The following FGF14 variants were observed in gnomAD, a reference collection of about 807,000 sequenced individuals.
FGF14 encodes fibroblast growth factor 14, also known as fibroblast growth factor homologous factor 4.
Under a neutral mutation model 25.5 loss-of-function variants are expected in FGF14, and 5 were observed. The ratio of observed to expected loss-of-function variants is 0.20; its 90% CI spans 0.10 to 0.41. The LOEUF is 0.41. Ranked by LOEUF, FGF14 falls within the 10% of genes least tolerant of loss-of-function variation. The probability of loss-of-function intolerance (pLI) is 1.00; values close to 1 mark genes in which losing one functional copy is unlikely to be tolerated. For missense variants in FGF14, 222 were observed against 320.1 expected, an observed-to-expected ratio of 0.69 and a Z score of 2.34; for synonymous variants, 138 against 118.3, an observed-to-expected ratio of 1.17 and a Z score of -1.08.
intron 1 of FGF14, among the ~76,000 whole-genome samples, chr13:102,011,914 T>A (rs2040101283): frequency 6.6e-6 from 1 of 152,200 alleles, no homozygotes; most frequent in Non-Finnish European, 1.5e-5. Flanking sequence ...AAGCAAATCA[T>A]CCATCTTCAG....
intron 3 of FGF14, among the ~76,000 whole-genome samples, chr13:101,798,233 A>C (rs552211464): frequency 9.2e-5 from 14 of 152,256 alleles, no homozygotes; most frequent in African/African-American, 3.1e-4. Context: ...TAAGCATAAA[A>C]ACAAAACATA....
At chr13:102,113,533 C>A (rs1201690489) in intron 1 of FGF14, among the ~76,000 whole-genome samples, 10 of 152,176 alleles carry the variant, frequency 6.6e-5, no homozygotes, top group African/African-American at 2.4e-4. Context: ...GTCAATATAT[C>A]TATATTCTAC....
At chr13:102,253,257 A>C (rs2052278192) in intron 1 of FGF14, among the ~76,000 whole-genome samples, 1 of 152,140 alleles carries the variant, frequency 6.6e-6, no homozygotes, top group African/African-American at 2.4e-5. Context: ...TGACTTCCAC[A>C]ATGGTTGAAC....
intron 3 of FGF14, among the ~76,000 whole-genome samples, chr13:101,800,480 C>G (rs1182750857): frequency 1.1e-4 from 17 of 152,084 alleles, no homozygotes; most frequent in Admixed American, 7.9e-4. Flanking sequence ...AGGGACTTAT[C>G]CATTTGCTGT....
rs202069283 is a variant in FGF14, at chr13:102,094,072, AAGGAG to A, written c.209-218781_209-218777del. Among the ~76,000 whole-genome samples, 567 of 129,750 alleles carry A rather than the reference AAGGAG, an allele frequency of 4.4e-3. 5 individuals are homozygous for A. Among genetic ancestry groups the A allele is most frequent in the African/African-American group, 0.016 (528 of 33,718 alleles). 85.1% of individuals were successfully genotyped at this position (129,750 alleles called of 152,430 possible). A position where few individuals can be genotyped will look rare whatever the true frequency, so the allele number is the denominator to read the frequency against. ...GTGAAGGATCTAAAGCTAAAAAAGG[AAGGAG>A]AGGAGAGGAGAGAAGACTCATGAAG... is the stretch of plus-strand genomic sequence containing the variant. On this transcript the variant is annotated intron_variant, in intron 1 of 4. Coordinates refer to the FGF14 transcript ENST00000376131.
At chr13:102,107,616 T>C (rs2044988009) in intron 1 of FGF14, among the ~76,000 whole-genome samples, 1 of 152,212 alleles carries the variant, frequency 6.6e-6, no homozygotes, top group Non-Finnish European at 1.5e-5. Flanking sequence ...CATGATGGAA[T>C]GCATAAAGAG....
chr13:101,891,678 C>CTA (rs1001440988), intron 1 of FGF14, among the ~76,000 whole-genome samples: 11 of 151,840 alleles, frequency 7.2e-5, no homozygotes, highest in Admixed American at 3.9e-4. Flanking sequence ...ATATGTATTT[C>CTA]TATATATATA....
At chr13:102,230,134 G>A (rs547505863) in intron 1 of FGF14, among the ~76,000 whole-genome samples, 1 of 152,186 alleles carries the variant, frequency 6.6e-6, no homozygotes, top group African/African-American at 2.4e-5. Context: ...GAAGGTCCGA[G>A]GGAGCTTGTT....
At chr13:102,163,653 C>T (rs1254165977) in intron 1 of FGF14, among the ~76,000 whole-genome samples, 1 of 152,058 alleles carries the variant, frequency 6.6e-6, no homozygotes, top group Non-Finnish European at 1.5e-5. Context: ...AGGAGGTGAT[C>T]TGGCTGGCTG....
At chr13:102,226,239 T>C (rs1310907388) in intron 1 of FGF14, among the ~76,000 whole-genome samples, 1 of 152,160 alleles carries the variant, frequency 6.6e-6, no homozygotes, top group Non-Finnish European at 1.5e-5. Flanking sequence ...TCTATGATCC[T>C]AAGGTAGCCA....
At chr13:102,357,490 T>G (rs915337125) in intron 1 of FGF14, among the ~76,000 whole-genome samples, 5 of 152,218 alleles carry the variant, frequency 3.3e-5, no homozygotes, top group Non-Finnish European at 7.3e-5. Context: ...TATTTGTTTG[T>G]TAAAATGCAA....
rs1436291816 is a variant in FGF14, at chr13:101,717,168, A to G, written c.*5663T>C. The G allele has an allele frequency of 6.6e-6, 1 of 152,152 alleles. No individual in the cohort carries two copies. The highest frequency in any genetic ancestry group is 1.5e-5 in the Non-Finnish European group (1 of 68,000). 9.4% of individuals were successfully genotyped at this position (152,152 alleles called of 1,614,324 possible). On this transcript the variant is annotated 3_prime_UTR_variant, in exon 5 of 5. Coordinates refer to ENST00000376143, the MANE Select transcript of FGF14 (RefSeq NM_004115.4). ...AGTCATGGCTTAAACTTTATAAGTCAAATTTCCAAAAATAAGGAAAATATG... is the reference window on the plus strand; with the variant it reads ...AGTCATGGCTTAAACTTTATAAGTCGAATTTCCAAAAATAAGGAAAATATG...
At chr13:101,752,188 A>G (rs2037328941) in intron 3 of FGF14, among the ~76,000 whole-genome samples, 1 of 152,204 alleles carries the variant, frequency 6.6e-6, no homozygotes, top group African/African-American at 2.4e-5. Context: ...GGCACATTTT[A>G]AATGAAGTCT....
At chr13:102,067,554 C>T (rs924096330) in intron 1 of FGF14, among the ~76,000 whole-genome samples, 1 of 151,442 alleles carries the variant, frequency 6.6e-6, no homozygotes, top group African/African-American at 2.4e-5. Context: ...TTCCCAAGAG[C>T]ACGCTTCCCA....
chr13:101,793,767 C>T (rs986623711), intron 3 of FGF14, among the ~76,000 whole-genome samples: 10 of 152,146 alleles, frequency 6.6e-5, no homozygotes, highest in South Asian at 4.2e-4. Context: ...CACTCATTGA[C>T]GCACCTGACC....
At chr13:102,135,497 A>T (rs1481568176) in intron 1 of FGF14, among the ~76,000 whole-genome samples, 3 of 152,202 alleles carry the variant, frequency 2.0e-5, no homozygotes, top group Non-Finnish European at 4.4e-5. Flanking sequence ...TCTCATTAAA[A>T]TTTTTTTAAT....
chr13:101,932,394 G>C lies in FGF14; in HGVS notation c.209-57098C>G, dbSNP rs147648067. Among the ~76,000 whole-genome samples, 13 of 151,786 alleles carry C rather than the reference G, an allele frequency of 8.6e-5. No individual in the cohort carries two copies. The South Asian group carries it at 2.3e-3, about 27-fold the overall frequency. Reference sequence around the variant, plus strand: ...AAAAATACAAAAAAGTTAGCTGGGCGTGGTGGCTGGTGCCTGTAATCCCAG... The same window carrying C: ...AAAAATACAAAAAAGTTAGCTGGGCCTGGTGGCTGGTGCCTGTAATCCCAG... On this transcript the variant is annotated intron_variant, in intron 1 of 4. Transcript: ENST00000376131.
At chr13:102,378,693 C>G (rs2058104729) in intron 1 of FGF14, among the ~76,000 whole-genome samples, 1 of 150,968 alleles carries the variant, frequency 6.6e-6, no homozygotes, top group Admixed American at 6.6e-5. Flanking sequence ...TCTCCCTCTA[C>G]TACCAAAAAC....
At chr13:101,834,010 A>C (rs2140292424) in intron 3 of FGF14, among the ~76,000 whole-genome samples, 1 of 152,230 alleles carries the variant, frequency 6.6e-6, no homozygotes, top group Non-Finnish European at 1.5e-5. Context: ...AGAGAACACC[A>C]TAGCTGCTTC....
Sources: gnomAD v4.1 joint callset for allele counts (sites outside exome capture counted in the v4.1 genomes callset) on GRCh38, gnomAD v4.1.1 for gene constraint, MANE v1.5 for transcripts, NCBI Gene and HGNC (gene_info 2026-07-23, HGNC 2026-07-21) for gene names.